The following PCP4 variants were observed in gnomAD, a reference collection of about 807,000 sequenced individuals.
PCP4 encodes Purkinje cell protein 4.
Under a neutral mutation model 10.0 loss-of-function variants are expected in PCP4, and 8 were observed. The ratio of observed to expected loss-of-function variants is 0.80; its 90% CI spans 0.47 to 1.45. The LOEUF (loss-of-function observed/expected upper bound fraction) is 1.45. Among genes scored for constraint, PCP4 ranks in the 40% most tolerant of loss-of-function variants. PCP4 has a pLI of 0.00. For synonymous variants in PCP4, 21 were observed against 23.0 expected (o/e 0.91, Z 0.24); for missense variants, 54 against 74.4 (o/e 0.73, Z 1.01).
At chr21:39,896,139 A>G (rs1324047474) in intron 1 of PCP4, among the ~76,000 whole-genome samples, 1 of 152,208 alleles carries the variant, frequency 6.6e-6, no homozygotes, top group Non-Finnish European at 1.5e-5. Flanking sequence ...GTTTCTAAAA[A>G]GTGATCTTTT....
chr21:39,919,812 AGT>A (rs1180254641), intron 2 of PCP4, among the ~76,000 whole-genome samples: 1 of 140,786 alleles, frequency 7.1e-6, no homozygotes, highest in East Asian at 2.2e-4. Context: ...TGTATTTGTG[AGT>A]GTGTGGTATG....
chr21:39,904,225 C>G (rs536386300), intron 2 of PCP4, among the ~76,000 whole-genome samples: 9 of 152,316 alleles, frequency 5.9e-5, no homozygotes, highest in African/African-American at 2.2e-4. Context: ...AGAAATTTCA[C>G]TACCCCCTAC....
Position 39,903,319 on chromosome 21 carries a change from C to G in PCP4, c.61+4792C>G, listed in dbSNP as rs143544042. On this transcript the variant is annotated intron_variant, in intron 2 of 2. Transcript: ENST00000328619. ...TTGTTTCTACAAGGCTCTGTTTCTG[C>G]GGGTGGAAGGTGTATGAACACACCT... is the stretch of plus-strand genomic sequence containing the variant. Among the ~76,000 whole-genome samples, 3 of 152,266 alleles carry G rather than the reference C, an allele frequency of 2.0e-5. No individual in the cohort carries two copies. The East Asian group carries it at 5.8e-4, about 29-fold the overall frequency.
At chr21:39,898,040 A>C (rs1977530) in intron 1 of PCP4, among the ~76,000 whole-genome samples, 54,007 of 133,374 alleles carry the variant, frequency 0.4, 10,761 homozygotes, top group Middle Eastern at 0.48. Flanking sequence ...AGCCAGACTC[A>C]GTCTCAAAAA....
chr21:39,916,388 T>C lies in PCP4; in HGVS notation c.62-12596T>C, dbSNP rs1227101494. On this transcript the variant is annotated intron_variant, in intron 2 of 2. Transcript: ENST00000328619. ...TCTAACTGGTTATGGCTATAGGAGG[T>C]GGTGGTGCAGACAGCAGAATCTACT... Among the ~76,000 whole-genome samples the C allele has an allele frequency of 1.3e-5, 2 of 152,080 alleles. 1 individual carries two copies. The highest frequency in any genetic ancestry group is 4.1e-4 in the South Asian group (2 of 4,820).
intron 1 of PCP4, among the ~76,000 whole-genome samples, chr21:39,870,732 T>C (rs73215366): frequency 6.6e-6 from 1 of 152,236 alleles, no homozygotes; most frequent in Non-Finnish European, 1.5e-5. Flanking sequence ...CTGTTTAGGG[T>C]GCGGGTTGGA....
chr21:39,906,061 C>G lies in PCP4; in HGVS notation c.61+7534C>G, dbSNP rs1019015606. Among the ~76,000 whole-genome samples the G allele has an allele frequency of 2.2e-4, 33 of 152,250 alleles. 3 individuals carry two copies. The highest frequency in any genetic ancestry group is 1.4e-3 in the Admixed American group (22 of 15,300). On this transcript the variant is annotated intron_variant, in intron 2 of 2. Transcript: ENST00000328619. This position sits in a 1 kb window ranked among gnomAD's most constrained non-coding sequence, Gnocchi z 6.3. ...CGAGACTCCGTCTCAAAATGCTCCC[C>G]CATGCTGTCTTCCCTTTGATGTTAC...
chr21:39,920,286 G>T (rs115440494), intron 2 of PCP4, among the ~76,000 whole-genome samples: 4 of 142,424 alleles, frequency 2.8e-5, no homozygotes, highest in African/African-American at 5.3e-5. Flanking sequence ...TAGTGTGTGT[G>T]GTGTGTGTGT....
At chr21:39,890,293 C>T (rs980190416) in intron 1 of PCP4, among the ~76,000 whole-genome samples, 5 of 152,172 alleles carry the variant, frequency 3.3e-5, no homozygotes, top group Non-Finnish European at 7.4e-5. Flanking sequence ...CACTGAAGCC[C>T]AAGACAGAAG....
intron 2 of PCP4, among the ~76,000 whole-genome samples, chr21:39,927,008 A>G (rs577661514): frequency 5.3e-5 from 8 of 152,188 alleles, no homozygotes; most frequent in African/African-American, 1.9e-4. Context: ...ATTGGCAGCA[A>G]GTTTGAAATA....
At chr21:39,924,829 C>G (rs577275626) in intron 2 of PCP4, among the ~76,000 whole-genome samples, 69 of 152,372 alleles carry the variant, frequency 4.5e-4, no homozygotes, top group African/African-American at 1.5e-3. Context: ...GCCACCACAC[C>G]TGGCCCCGGG....
At chr21:39,872,268 G>T (rs1053629013) in intron 1 of PCP4, among the ~76,000 whole-genome samples, 30 of 152,242 alleles carry the variant, frequency 2.0e-4, no homozygotes, top group African/African-American at 7.0e-4. Context: ...CAAAGTGCTG[G>T]GATTACAGGT....
At chr21:39,914,573 C>CAA (rs55775259) in intron 2 of PCP4, among the ~76,000 whole-genome samples, 27,786 of 118,834 alleles carry the variant, frequency 0.23, 3,581 homozygotes, top group East Asian at 0.27. Context: ...AGAGCTGTCT[C>CAA]AAAAAAAAAA....
chr21:39,896,759 A>G (rs1004642429), intron 1 of PCP4, among the ~76,000 whole-genome samples: 20 of 152,294 alleles, frequency 1.3e-4, no homozygotes, highest in African/African-American at 4.6e-4. Flanking sequence ...TGATACATTT[A>G]CCATTAATTA....
Position 39,880,184 on chromosome 21 carries a change from ATATC to A in PCP4, c.9+12682_9+12685del, listed in dbSNP as rs1289303999. ...TATATCTATATCTATATCTATATCTATATCTATCTATATCTATTCCCTGTCCAAG... is the reference window on the plus strand; with the variant it reads ...TATATCTATATCTATATCTATATCTATATCTATATCTATTCCCTGTCCAAG... On this transcript the variant is annotated intron_variant, in intron 1 of 2. Coordinates refer to ENST00000328619, the MANE Select transcript of PCP4 (RefSeq NM_006198.3). Among the ~76,000 whole-genome samples, 68 of 141,878 alleles carry A rather than the reference ATATC, an allele frequency of 4.8e-4. 3 individuals carry two copies. The South Asian group carries it at 8.7e-3, about 18-fold the overall frequency. The allele number at this position is 141,878 out of a possible 152,430, so 93.1% of individuals were successfully genotyped here.
chr21:39,903,963 G>A (rs1418692907), intron 2 of PCP4, among the ~76,000 whole-genome samples: 1 of 150,780 alleles, frequency 6.6e-6, no homozygotes, highest in Non-Finnish European at 1.5e-5. Flanking sequence ...TTAATGTACT[G>A]GGTACTTTCC....
At chr21:39,928,958 T>C in intron 2 of PCP4, 26 bp from the exon 3 acceptor site, 2 of 1,605,996 alleles carry the variant, frequency 1.2e-6, no homozygotes, top group Non-Finnish European at 1.7e-6. Context: ...AGTGATTGCC[T>C]TCTGTTTGTG....
At chr21:39,921,155 C>A (rs1299834376) in intron 2 of PCP4, among the ~76,000 whole-genome samples, 1 of 152,192 alleles carries the variant, frequency 6.6e-6, no homozygotes, top group Non-Finnish European at 1.5e-5. Context: ...CCTGGTAAAC[C>A]AGCAGATTTT....
At chr21:39,911,632 A>T (rs2087540426) in intron 2 of PCP4, among the ~76,000 whole-genome samples, 1 of 152,108 alleles carries the variant, frequency 6.6e-6, no homozygotes, top group Admixed American at 6.5e-5. Flanking sequence ...ACTAGGGGAA[A>T]CCTCAGCCAG....
Sources: gnomAD v4.1 joint callset for allele counts (sites outside exome capture counted in the v4.1 genomes callset) on GRCh38, gnomAD v4.1.1 for gene constraint, Gnocchi (gnomAD v3.1) non-coding constraint, MANE v1.5 for transcripts, NCBI Gene and HGNC (gene_info 2026-07-23, HGNC 2026-07-21) for gene names.